MTFR1: variants seen among roughly 807,000 people sequenced by gnomAD.
MTFR1 encodes the protein mitochondrial fission regulator 1.
In MTFR1, 28 loss-of-function variants were observed where a neutral mutation model predicts 38.8. That is an observed-to-expected ratio of 0.72 (90% CI 0.53 to 0.99). The LOEUF is 0.99. Ranked by LOEUF, MTFR1 falls within the 50% of genes least tolerant of loss-of-function variation. The pLI is 0.00. For synonymous variants in MTFR1, 145 were observed against 137.0 expected (o/e 1.06, Z -0.41); for missense variants, 358 against 395.5 (o/e 0.91, Z 0.81).
intron 1 of MTFR1, among the ~76,000 whole-genome samples, chr8:65,651,166 G>A (rs971940311): frequency 6.6e-6 from 1 of 152,176 alleles, no homozygotes; most frequent in Non-Finnish European, 1.5e-5. Context: ...CTATTGAATT[G>A]TTTGAGCTAC....
At chr8:65,727,161 T>C in intron 3 of MTFR1, 1 of 1,429,920 alleles carries the variant, frequency 7.0e-7, no homozygotes, top group Non-Finnish European at 9.8e-7. Flanking sequence ...ATGATAAAAT[T>C]GCACTAACCT....
At chr8:65,693,435 T>C (rs1805342580) in intron 3 of MTFR1, among the ~76,000 whole-genome samples, 1 of 151,816 alleles carries the variant, frequency 6.6e-6, no homozygotes, top group Non-Finnish European at 1.5e-5. Flanking sequence ...AAATGAAAAC[T>C]GAATAAAGTT....
At chr8:65,652,833 A>G (rs1026141959) in intron 1 of MTFR1, among the ~76,000 whole-genome samples, 1 of 152,118 alleles carries the variant, frequency 6.6e-6, no homozygotes, top group African/African-American at 2.4e-5. Flanking sequence ...TTCCTTTCCT[A>G]TTTGGATGTC....
intron 1 of MTFR1, among the ~76,000 whole-genome samples, chr8:65,645,774 C>T (rs1351910433): frequency 1.3e-5 from 2 of 150,398 alleles, no homozygotes; most frequent in African/African-American, 4.9e-5. Context: ...AGCGATCCTC[C>T]CTCCTTGGCC....
intron 1 of MTFR1, among the ~76,000 whole-genome samples, chr8:65,646,280 G>A (rs1391557288): frequency 6.6e-6 from 1 of 152,186 alleles, no homozygotes; most frequent in African/African-American, 2.4e-5. Flanking sequence ...TTTACCTGAA[G>A]TCACACTGCT....
chr8:65,730,522 G>A (rs893229026), intron 3 of MTFR1, among the ~76,000 whole-genome samples: 5 of 152,070 alleles, frequency 3.3e-5, no homozygotes, highest in South Asian at 2.1e-4. Flanking sequence ...GATCTGAAGT[G>A]TAACAGTTTC....
At chr8:65,664,932 AAT>A (rs1804335513) in intron 1 of MTFR1, among the ~76,000 whole-genome samples, 1 of 142,540 alleles carries the variant, frequency 7.0e-6, no homozygotes, top group African/African-American at 2.5e-5. Flanking sequence ...TTTAAAAAAA[AAT>A]TTTTTTTTTT....
intron 1 of MTFR1, among the ~76,000 whole-genome samples, chr8:65,660,877 T>C (rs990753506): frequency 6.6e-6 from 1 of 152,188 alleles, no homozygotes; most frequent in African/African-American, 2.4e-5. Context: ...TAAAATGGAA[T>C]GTTATTCCAC....
rs1040734108 is a variant in MTFR1, at chr8:65,739,363, A to C, written c.*48+19882A>C. 4 of 952,514 alleles carry C rather than the reference A, an allele frequency of 4.2e-6. No homozygotes were observed. In the African/African-American group the frequency reaches 6.9e-5, roughly 17 times the overall value. The allele number at this position is 952,514 out of a possible 1,614,324, so 59.0% of individuals were successfully genotyped here. On this transcript the variant is annotated intron_variant, in intron 3 of 3. Coordinates refer to the MTFR1 transcript ENST00000521247. The stretch of plus-strand genomic sequence containing the variant: ...AGCCCCACAGATGCAAGAGCTAAAT[A>C]ACTGTGTGTTGTTTTAAGCCACTAA...
intron 1 of MTFR1, among the ~76,000 whole-genome samples, chr8:65,663,528 T>TA (rs1804271689): frequency 8.1e-5 from 10 of 123,886 alleles, no homozygotes; most frequent in African/African-American, 2.4e-4. Flanking sequence ...AATGATCAAT[T>TA]TAAAAAAAAA....
At chr8:65,756,509 C>A (rs1047168019) in intron 3 of MTFR1, among the ~76,000 whole-genome samples, 2 of 152,060 alleles carry the variant, frequency 1.3e-5, no homozygotes, top group Non-Finnish European at 1.5e-5. Flanking sequence ...ATCCTTACTT[C>A]CCCCTGCTCA....
At chr8:65,645,748 T>G (rs1423356819) in intron 1 of MTFR1, among the ~76,000 whole-genome samples, 1 of 148,150 alleles carries the variant, frequency 6.7e-6, no homozygotes, top group Non-Finnish European at 1.5e-5. Context: ...AGGCTATCTT[T>G]GAACTCCTTG....
At chr8:65,752,088 G>T (rs887743741) in intron 3 of MTFR1, among the ~76,000 whole-genome samples, 1 of 152,136 alleles carries the variant, frequency 6.6e-6, no homozygotes, top group African/African-American at 2.4e-5. Flanking sequence ...TCTACTACTT[G>T]ATTTGTCAGC....
intron 3 of MTFR1, among the ~76,000 whole-genome samples, chr8:65,737,270 T>G (rs1364828157): frequency 6.6e-6 from 1 of 152,112 alleles, no homozygotes; most frequent in African/African-American, 2.4e-5. Context: ...AAACCTGTTC[T>G]AGTGGCTTCC....
chr8:65,771,968 C>T (rs1809108087), downstream of MTFR1, among the ~76,000 whole-genome samples: 1 of 149,224 alleles, frequency 6.7e-6, no homozygotes, highest in African/African-American at 2.5e-5. Context: ...AGGAGAATAC[C>T]AGAACAACCT....
intron 3 of MTFR1, among the ~76,000 whole-genome samples, chr8:65,726,304 T>G (rs1397558010): frequency 6.6e-6 from 1 of 152,108 alleles, no homozygotes; most frequent in African/African-American, 2.4e-5. Flanking sequence ...TTAATGTTTT[T>G]TATTAGGTTC....
At chr8:65,753,921 C>A (rs1808091195) in intron 3 of MTFR1, among the ~76,000 whole-genome samples, 1 of 151,902 alleles carries the variant, frequency 6.6e-6, no homozygotes, top group East Asian at 1.9e-4. Flanking sequence ...TACTGTCTGC[C>A]AATAATAATA....
intron 3 of MTFR1, among the ~76,000 whole-genome samples, chr8:65,730,496 G>T (rs1806837315): frequency 6.6e-6 from 1 of 151,954 alleles, no homozygotes; most frequent in Admixed American, 6.6e-5. Flanking sequence ...CTTCTTATAA[G>T]AATCTAATGC....
chr8:65,743,933 A>G (rs1379550206), intron 3 of MTFR1, among the ~76,000 whole-genome samples: 3 of 151,590 alleles, frequency 2.0e-5, no homozygotes, highest in Non-Finnish European at 4.4e-5. Flanking sequence ...CCCAGATTCA[A>G]GCAATTCTCC....
Sources: allele counts gnomAD v4.1 joint callset (sites outside exome capture counted in the v4.1 genomes callset), GRCh38; gene constraint gnomAD v4.1.1; transcripts MANE v1.5; gene names NCBI Gene and HGNC (gene_info 2026-07-23, HGNC 2026-07-21).